The following MRTFA variants were observed in gnomAD, a reference collection of about 807,000 sequenced individuals.
The protein encoded by MRTFA is myocardin-related transcription factor A.
Under a neutral mutation model 83.5 loss-of-function variants are expected in MRTFA, and 20 were observed. That is an observed-to-expected ratio of 0.24 (90% CI 0.17 to 0.35). The LOEUF (loss-of-function observed/expected upper bound fraction) is 0.35. MRTFA is among the 10% of genes least tolerant of loss of function. The pLI is 1.00. For missense variants in MRTFA, 1,200 were observed against 1,224.7 expected (o/e 0.98, Z 0.30); for synonymous variants, 659 against 541.2 (o/e 1.22, Z -3.02).
intron 2 of MRTFA, among the ~76,000 whole-genome samples, chr22:40,571,558 AT>A (rs2055793226): frequency 6.6e-6 from 1 of 152,202 alleles, no homozygotes; most frequent in Non-Finnish European, 1.5e-5. Context: ...TCCAGAATAT[AT>A]AAAGAACTCT....
chr22:40,517,240 T>C (rs1273268259), intron 3 of MRTFA, among the ~76,000 whole-genome samples: 1 of 152,150 alleles, frequency 6.6e-6, no homozygotes, highest in East Asian at 1.9e-4. Context: ...ATACATATTC[T>C]AAAAGAAGAA....
intron 2 of MRTFA, among the ~76,000 whole-genome samples, chr22:40,559,457 C>T (rs1187247290): frequency 1.3e-5 from 2 of 152,102 alleles, no homozygotes; most frequent in East Asian, 3.9e-4. Context: ...TGTTACTCTG[C>T]CATCCAAGCT....
intron 1 of MRTFA, among the ~76,000 whole-genome samples, chr22:40,616,159 T>C (rs2056447521): frequency 1.3e-5 from 2 of 152,156 alleles, no homozygotes; most frequent in African/African-American, 4.8e-5. Flanking sequence ...AATCAGAAGA[T>C]CAGCAATTCA....
chr22:40,423,038 T>C (rs930624635), intron 9 of MRTFA, among the ~76,000 whole-genome samples: 1 of 152,038 alleles, frequency 6.6e-6, no homozygotes, highest in African/African-American at 2.4e-5. Context: ...CAGCTGAATT[T>C]AACAGCAGAC....
chr22:40,586,879 C>T, intron 2 of MRTFA: 1 of 414,052 alleles, frequency 2.4e-6, no homozygotes. Flanking sequence ...TCTGATTTGG[C>T]CTCTAGTGCT....
chr22:40,604,887 C>G (rs2056300939), intron 1 of MRTFA, among the ~76,000 whole-genome samples: 1 of 152,168 alleles, frequency 6.6e-6, no homozygotes, highest in Admixed American at 6.5e-5. Context: ...TGCAATCTGT[C>G]TGTTGTTGTC....
rs1299040109 is a variant in MRTFA, at chr22:40,416,087, A to G, written c.2578+899T>C. 6.6e-6 allele frequency among the ~76,000 whole-genome samples: 1 copy of G among 152,084 alleles called. No homozygotes were observed. The highest frequency in any genetic ancestry group is 2.4e-5 in the African/African-American group (1 of 41,398). On this transcript the variant is annotated intron_variant, in intron 14 of 14. Transcript: ENST00000355630. This position sits in a 1 kb window ranked among gnomAD's most constrained non-coding sequence, Gnocchi z 4.2. ...TGAACCCTCCATTCGGTCTCGTGACACACCCCATCAGGGACCGCGCAATGT... is the reference window on the plus strand; with the variant it reads ...TGAACCCTCCATTCGGTCTCGTGACGCACCCCATCAGGGACCGCGCAATGT...
At chr22:40,438,099 T>C (rs1285281168) in intron 4 of MRTFA, among the ~76,000 whole-genome samples, 2 of 152,182 alleles carry the variant, frequency 1.3e-5, no homozygotes, top group Admixed American at 1.3e-4. Context: ...AAGTTCTGGA[T>C]AGACAGTCAA....
At chr22:40,447,762 A>G (rs2053409657) in intron 4 of MRTFA, among the ~76,000 whole-genome samples, 1 of 152,202 alleles carries the variant, frequency 6.6e-6, no homozygotes, top group Non-Finnish European at 1.5e-5. Context: ...TATTTTCCAC[A>G]TTTTACAGTT....
intron 3 of MRTFA, among the ~76,000 whole-genome samples, chr22:40,483,541 C>T (rs914202680): frequency 1.2e-4 from 18 of 151,212 alleles, no homozygotes; most frequent in Non-Finnish European, 2.1e-4. Context: ...AAAAAGTAGC[C>T]GGGTGTGGTG....
chr22:40,443,708 G>A (rs1602251007), intron 4 of MRTFA, among the ~76,000 whole-genome samples: 1 of 152,172 alleles, frequency 6.6e-6, no homozygotes, highest in Non-Finnish European at 1.5e-5. Flanking sequence ...GGCCAAGTTA[G>A]GAATCTAGAC....
At chr22:40,485,847 C>A (rs1343640566) in intron 3 of MRTFA, among the ~76,000 whole-genome samples, 1 of 152,166 alleles carries the variant, frequency 6.6e-6, no homozygotes, top group Admixed American at 6.5e-5. Context: ...ACATCCCAAG[C>A]CCTAAGTGGA....
chr22:40,433,719 T>C (rs1381800315), intron 5 of MRTFA: 2 of 152,364 alleles, frequency 1.3e-5, no homozygotes, highest in African/African-American at 4.8e-5. Context: ...GATGCAAAAG[T>C]AGCAGCTTTT....
intron 1 of MRTFA, among the ~76,000 whole-genome samples, chr22:40,627,787 T>A (rs967460055): frequency 6.6e-6 from 1 of 152,112 alleles, no homozygotes; most frequent in African/African-American, 2.4e-5. Context: ...AAGATCAGCC[T>A]GGGGAACACT....
chr22:40,442,728 C>A (rs963329753), intron 4 of MRTFA, among the ~76,000 whole-genome samples: 5 of 152,030 alleles, frequency 3.3e-5, no homozygotes, highest in African/African-American at 1.2e-4. Flanking sequence ...ACAAAAGAGG[C>A]AAAATTTAAC....
intron 7 of MRTFA, among the ~76,000 whole-genome samples, chr22:40,426,292 C>G (rs538501876): frequency 1.3e-4 from 20 of 152,132 alleles, no homozygotes; most frequent in African/African-American, 4.1e-4. Flanking sequence ...TTTCCTCGTC[C>G]TCCTCCCTCC....
rs775532649 is a variant in MRTFA, at chr22:40,417,475, A to G, written c.2383T>C (p.Ser795Pro). The G allele has an allele frequency of 3.4e-6, 5 of 1,467,444 alleles. No individual in the cohort carries two copies. The highest frequency in any genetic ancestry group is 3.1e-5 in the East Asian group (1 of 32,232). 90.9% of individuals were successfully genotyped at this position (1,467,444 alleles called of 1,614,324 possible). Residue 795 changes from serine (S) to proline (P), a missense_variant, in exon 13 of 15, where the codon TCT becomes CCT. Physicochemically the swap from Ser to Pro is moderately conservative, Grantham distance 74. Around this residue, in one of 2 missense-constraint regions of MRTFA, gnomAD observed 1,107 missense variants for 1,041.8 expected, o/e 1.06. Coordinates refer to ENST00000355630, the MANE Select transcript of MRTFA (RefSeq NM_020831.6). ...TGGGCAGAGGGGGCAGGCGCTGGAG[A>G]GCCAGGCTGGGACGAGGGCTGGACA... is the stretch of plus-strand genomic sequence containing the variant.
chr22:40,579,260 T>C lies in MRTFA; in HGVS notation c.-22+15414A>G, dbSNP rs759880239. Among the ~76,000 whole-genome samples the C allele has an allele frequency of 9.2e-5, 14 of 152,330 alleles. No individual in the cohort carries two copies. In the South Asian group the frequency reaches 2.7e-3, roughly 29 times the overall value. On this transcript the variant is annotated intron_variant, in intron 2 of 14. Transcript: ENST00000355630. ...TAATTCTCTTAAGATTTAAGATGAA[T>C]AGCCATAATAATTGTCATAATCTAT...
At chr22:40,577,714 C>A (rs554285841) in intron 2 of MRTFA, among the ~76,000 whole-genome samples, 1 of 151,332 alleles carries the variant, frequency 6.6e-6, no homozygotes, top group South Asian at 2.1e-4. Flanking sequence ...TCAAGCGACT[C>A]TCCTGCCTCA....
Sources: allele counts gnomAD v4.1 joint callset (sites outside exome capture counted in the v4.1 genomes callset), GRCh38; gene constraint gnomAD v4.1.1; regional missense constraint gnomAD v4.1.1; non-coding constraint Gnocchi (gnomAD v3.1); transcripts MANE v1.5; gene names NCBI Gene and HGNC (gene_info 2026-07-23, HGNC 2026-07-21).